The following SPOCD1 variants were observed in gnomAD, a reference collection of about 807,000 sequenced individuals.
The protein encoded by SPOCD1 is SPOC domain containing 1, also known as SPOC domain-containing protein 1.
In SPOCD1, 64 loss-of-function variants were observed where a neutral mutation model predicts 92.2. The observed-to-expected ratio is 0.69, with a 90% CI of 0.57 to 0.86. The LOEUF is 0.86. SPOCD1 is among the 40% of genes least tolerant of loss of function. SPOCD1 has a pLI of 0.00. For synonymous variants in SPOCD1, 578 were observed against 619.3 expected, an observed-to-expected ratio of 0.93 and a Z score of 0.99; for missense variants, 1,360 against 1,543.1, an observed-to-expected ratio of 0.88 and a Z score of 1.99.
Position 31,800,172 on chromosome 1 carries a change from C to T in SPOCD1, c.1603-31G>A, listed in dbSNP as rs767252015. 19 of 1,561,832 alleles carry T rather than the reference C, an allele frequency of 1.2e-5. 1 individual carries two copies. The highest frequency in any genetic ancestry group is 4.7e-5 in the South Asian group (4 of 85,514). ...GGCAGGGAGCAGACAAGCTATTGGC[C>T]GGAAATGGAGGCCAGGGACTGTTCC... On this transcript the variant is annotated intron_variant, in intron 4 of 15. Transcript: ENST00000360482.
chr1:31,802,798 C>T (rs554849433), intron 2 of SPOCD1, among the ~76,000 whole-genome samples: 1 of 152,022 alleles, frequency 6.6e-6, no homozygotes, highest in Non-Finnish European at 1.5e-5. Context: ...CTACCATTCG[C>T]GTTACAGACA....
In SPOCD1 at chr1:31,798,719, G is replaced by A. The variant is rs769410463; in HGVS notation, c.1869-118C>T. 1 of 1,132,202 alleles carries A rather than the reference G, an allele frequency of 8.8e-7. No individual in the cohort carries two copies. Among genetic ancestry groups the A allele is most frequent in the Non-Finnish European group, 1.2e-6 (1 of 805,192 alleles). The allele number at this position is 1,132,202 out of a possible 1,614,324, so 70.1% of individuals were successfully genotyped here. On this transcript the variant is annotated intron_variant, in intron 7 of 15. Transcript: ENST00000360482. The surrounding 1 kb of genome is among the most constrained non-coding windows in gnomAD (Gnocchi z 4.1). ...CTGGGCCAACTTGTTCCTGTCGTGG[G>A]TGTTTCCCTGCAGGAACCTACTTAT... is the stretch of plus-strand genomic sequence containing the variant.
chr1:31,800,436 T>C lies in SPOCD1; in HGVS notation c.1602+5A>G. ...CAGGATTAAATGACATCACTTGTTC[T>C]GTACCTGGCACCCAGCAGGGCCCTG... On this transcript the variant is annotated splice_donor_5th_base_variant and intron_variant, in intron 4 of 15. Transcript: ENST00000360482. The C allele has an allele frequency of 6.4e-7, 1 of 1,570,786 alleles. No individual in the cohort carries two copies. Among genetic ancestry groups the C allele is most frequent in the South Asian group, 1.2e-5 (1 of 86,184 alleles).
In SPOCD1 at chr1:31,811,054, CAGA is replaced by C. The variant is rs1032451492; in HGVS notation, c.1383+2894_1383+2896del. 2.6e-5 allele frequency among the ~76,000 whole-genome samples: 4 copies of C among 152,172 alleles called. No homozygotes were observed. In the East Asian group the frequency reaches 5.8e-4, roughly 22 times the overall value. On this transcript the variant is annotated intron_variant, in intron 2 of 15. Coordinates refer to ENST00000360482, the MANE Select transcript of SPOCD1 (RefSeq NM_144569.7). ...TCCTCCAAGAGTCTCTGGTTCATGC[CAGA>C]AGAATACAACACGGCCAGCCTCTGA...
chr1:31,799,527 G>A, intron 6 of SPOCD1, 42 bp from the exon 7 acceptor site: 1 of 1,547,582 alleles, frequency 6.5e-7, no homozygotes, highest in Non-Finnish European at 8.8e-7. Context: ...GGTGCCCAGG[G>A]GAAAGGGGAG....
rs1648063279 is a variant in SPOCD1, at chr1:31,796,797, T to C, written c.2146-82A>G. ...AGCCCAAGTGCTCACTTTCCTCCCT[T>C]GAGGCCCCTCTCTTGTGGTTCCCCT... On this transcript the variant is annotated intron_variant, in intron 9 of 15. Transcript: ENST00000360482. The C allele has an allele frequency of 1.1e-5, 17 of 1,589,876 alleles. 1 individual carries two copies. In the South Asian group the frequency reaches 1.9e-4, roughly 18 times the overall value.
chr1:31,792,173 A>G (rs577823141), intron 15 of SPOCD1, 42 bp downstream of exon 15: 181 of 1,559,396 alleles, frequency 1.2e-4, no homozygotes, highest in Non-Finnish European at 1.5e-4. Flanking sequence ...CTGGTCACCA[A>G]GTGAGCAGAG....
Position 31,798,414 on chromosome 1 carries a change from A to G in SPOCD1, c.2028+28T>C, listed in dbSNP as rs760277922. On this transcript the variant is annotated intron_variant, in intron 8 of 15. Coordinates refer to ENST00000360482, the MANE Select transcript of SPOCD1 (RefSeq NM_144569.7). The surrounding 1 kb of genome is among the most constrained non-coding windows in gnomAD (Gnocchi z 4.1). ...AGGGGCTCTGAGATTCAGAGAGGGG[A>G]CGCAGCCCAGCCCAAAGCCCTGCTC... is the stretch of plus-strand genomic sequence containing the variant. The G allele has an allele frequency of 6.3e-7, 1 of 1,593,520 alleles. No homozygotes were observed. Among genetic ancestry groups the G allele is most frequent in the Admixed American group, 1.7e-5 (1 of 58,774 alleles).
At position 31,806,608 on chromosome 1, in the gene SPOCD1, C is replaced by T. The variant is rs548169228; in HGVS notation, c.1384-4903G>A. On this transcript the variant is annotated intron_variant, in intron 2 of 15. Coordinates refer to ENST00000360482, the MANE Select transcript of SPOCD1 (RefSeq NM_144569.7). The stretch of plus-strand genomic sequence containing the variant: ...TGCCCAGGGTTGGAGTGCAGTGGTG[C>T]GATCTCGGCTCACTGCAGTCTCCGC... Among the ~76,000 whole-genome samples, 13 of 150,350 alleles carry T rather than the reference C, an allele frequency of 8.6e-5. No homozygotes were observed. The South Asian group carries it at 2.5e-3, about 29-fold the overall frequency.
chr1:31,794,311 C>T, intron 10 of SPOCD1, 76 bp from the exon 11 acceptor site: 1 of 973,776 alleles, frequency 1.0e-6, no homozygotes, highest in Non-Finnish European at 1.5e-6. Flanking sequence ...GTAGGGGGCC[C>T]CAGGATGTGG....
At chr1:31,813,914 A>G in intron 2 of SPOCD1, 37 bp downstream of exon 2, 1 of 1,452,280 alleles carries the variant, frequency 6.9e-7, no homozygotes, top group Non-Finnish European at 9.1e-7. Flanking sequence ...AAACATGGCC[A>G]GGCCCTTCCT....
rs1189562176 is a variant in SPOCD1 at position 31,814,671 on chromosome 1, C to T, written c.663G>A (p.Gly221=). Residue 221 remains glycine, a synonymous_variant, in exon 2 of 16, where the codon GGG becomes GGA. Coordinates refer to ENST00000360482, the MANE Select transcript of SPOCD1 (RefSeq NM_144569.7). This position sits in a 1 kb window ranked among gnomAD's most constrained non-coding sequence, Gnocchi z 4.2. ...RQGAHSECEE[G]AGDFLWLDQS... The stretch of plus-strand genomic sequence containing the variant: ...GATCAAGCCACAGGAAGTCACCAGC[C>T]CCTTCCTCACACTCTGAATGAGCCC... 6.4e-7 allele frequency: 1 copy of T among 1,560,458 alleles called. No individual in the cohort carries two copies. The highest frequency in any genetic ancestry group is 1.9e-5 in the Admixed American group (1 of 51,878).
chr1:31,798,198 A>G lies in SPOCD1; in HGVS notation c.2145+9T>C, dbSNP rs550503212. 7 of 1,610,736 alleles carry G rather than the reference A, an allele frequency of 4.3e-6. No homozygotes were observed. In the East Asian group the frequency reaches 6.7e-5, roughly 15 times the overall value. Reference sequence around the variant, plus strand: ...CCCCTCACCCATCCCGACTGGGCTCAGCACTCACCCTTTTCTCCTCCTGGT... The same window carrying G: ...CCCCTCACCCATCCCGACTGGGCTCGGCACTCACCCTTTTCTCCTCCTGGT... On this transcript the variant is annotated intron_variant, in intron 9 of 15. Transcript: ENST00000360482. The surrounding 1 kb of genome is among the most constrained non-coding windows in gnomAD (Gnocchi z 4.1).
intron 2 of SPOCD1, among the ~76,000 whole-genome samples, chr1:31,811,998 G>T (rs896471823): frequency 6.6e-6 from 1 of 152,154 alleles, no homozygotes; most frequent in Non-Finnish European, 1.5e-5. Context: ...AAGAAGGGAG[G>T]AGCCAGACGC....
At position 31,798,388 on chromosome 1, in the gene SPOCD1, C is replaced by A; in HGVS notation, c.2028+54G>T. 6.3e-7 allele frequency: 1 copy of A among 1,592,050 alleles called. No homozygotes were observed. The highest frequency in any genetic ancestry group is 8.6e-7 in the Non-Finnish European group (1 of 1,167,330). Reference sequence around the variant, plus strand: ...AGAGCTCCCCCACCCTAGCATCCTGCAGGGGCTCTGAGATTCAGAGAGGGG... The same window carrying A: ...AGAGCTCCCCCACCCTAGCATCCTGAAGGGGCTCTGAGATTCAGAGAGGGG... On this transcript the variant is annotated intron_variant, in intron 8 of 15. Transcript: ENST00000360482. This position sits in a 1 kb window ranked among gnomAD's most constrained non-coding sequence, Gnocchi z 4.1.
At position 31,814,045 on chromosome 1, in the gene SPOCD1, A is replaced by C; in HGVS notation, c.1289T>G (p.Val430Gly). 1 of 1,613,578 alleles carries C rather than the reference A, an allele frequency of 6.2e-7. No homozygotes were observed. Residue 430 changes from valine to glycine, a missense_variant, in exon 2 of 16, where the codon GTG becomes GGG. Val to Gly is a moderately radical substitution (Grantham distance 109). Coordinates refer to ENST00000360482, the MANE Select transcript of SPOCD1 (RefSeq NM_144569.7). This position sits in a 1 kb window ranked among gnomAD's most constrained non-coding sequence, Gnocchi z 4.2. ...KGTKNLKKGP[V>G]PCAQDRGTDR... is the part of the protein sequence containing the mutation. ...TGTGCCCCGGTCTTGGGCACAGGGCACTGGACCTTTCTTCAGGTTCTTAGT... is the reference window on the plus strand; with the variant it reads ...TGTGCCCCGGTCTTGGGCACAGGGCCCTGGACCTTTCTTCAGGTTCTTAGT...
At chr1:31,801,355 T>C (rs1313016036) in intron 3 of SPOCD1, among the ~76,000 whole-genome samples, 1 of 152,228 alleles carries the variant, frequency 6.6e-6, no homozygotes, top group African/African-American at 2.4e-5. Flanking sequence ...TTCTTTAGGC[T>C]TTTAGCCCAT....
chr1:31,791,421 G>T, intron 15 of SPOCD1, 130 bp from the exon 16 acceptor site: 1 of 711,982 alleles, frequency 1.4e-6, no homozygotes, highest in Non-Finnish European at 2.1e-6. Flanking sequence ...GGGCTGTCTC[G>T]GAAGATTTGA....
chr1:31,791,372 G>T, intron 15 of SPOCD1, 81 bp from the exon 16 acceptor site: 1 of 1,180,486 alleles, frequency 8.5e-7, no homozygotes, highest in Non-Finnish European at 1.1e-6. Context: ...ACAGTGAGAT[G>T]GGGCCCATGA....
Sources: gnomAD v4.1 joint callset for allele counts (sites outside exome capture counted in the v4.1 genomes callset) on GRCh38, gnomAD v4.1.1 for gene constraint, Gnocchi (gnomAD v3.1) non-coding constraint, MANE v1.5 for transcripts, NCBI Gene and HGNC (gene_info 2026-07-23, HGNC 2026-07-21) for gene names.